C6: variants seen among roughly 807,000 people sequenced by gnomAD.
The protein encoded by C6 is complement component C6.
C6 carries 101 observed loss-of-function variants against 112.9 expected under a neutral mutation model. That is an observed-to-expected ratio of 0.89 (90% CI 0.76 to 1.06). The LOEUF (loss-of-function observed/expected upper bound fraction) is 1.06. C6 is among the 50% of genes least tolerant of loss of function. C6 has a pLI of 0.00. For synonymous variants in C6, 431 were observed against 384.1 expected (o/e 1.12, Z -1.43); for missense variants, 1,202 against 1,104.6 (o/e 1.09, Z -1.25).
chr5:41,195,528 T>G (rs1191671735), intron 5 of C6, among the ~76,000 whole-genome samples: 2 of 152,188 alleles, frequency 1.3e-5, no homozygotes, highest in Admixed American at 1.3e-4. Flanking sequence ...GAGAGATGTA[T>G]GAGAAATAAA....
intron 1 of C6, among the ~76,000 whole-genome samples, chr5:41,232,499 AT>A (rs1298228759): frequency 6.6e-6 from 1 of 152,048 alleles, no homozygotes; most frequent in Non-Finnish European, 1.5e-5. Context: ...TTTAGCTTTT[AT>A]GGTTGCTTTT....
At position 41,201,623 on chromosome 5, in the gene C6, G is replaced by T. The variant is rs1751037080; in HGVS notation, c.235C>A (p.Pro79Thr). ...ETRECNWQRCPINCLLGDFGP... is the reference protein window; with the variant it reads ...ETRECNWQRCTINCLLGDFGP... ...AAATCTCCCAGGAGGCAGTTGATGGGGCATCTTTGCCAGTTACATTCTCTA... is the reference window on the plus strand; with the variant it reads ...AAATCTCCCAGGAGGCAGTTGATGGTGCATCTTTGCCAGTTACATTCTCTA... The change falls in exon 3 of 18, where the codon CCC becomes ACC. Residue 79 changes from proline to threonine, a missense_variant. Pro to Thr is a conservative substitution (Grantham distance 38). Transcript: ENST00000337836. The T allele has an allele frequency of 6.2e-7, 1 of 1,613,380 alleles. No individual in the cohort carries two copies. Among genetic ancestry groups the T allele is most frequent in the African/African-American group, 1.3e-5 (1 of 74,786 alleles).
At chr5:41,221,855 T>C (rs1238707178) in intron 1 of C6, among the ~76,000 whole-genome samples, 1 of 152,140 alleles carries the variant, frequency 6.6e-6, no homozygotes, top group Non-Finnish European at 1.5e-5. Flanking sequence ...TTTTCTTATA[T>C]TGAGCAGAAG....
intron 8 of C6, chr5:41,172,772 A>G (rs991674000): frequency 4.5e-5 from 9 of 197,930 alleles, no homozygotes; most frequent in Non-Finnish European, 7.4e-5. Flanking sequence ...TCTGTTCTCT[A>G]CTCCAAGACC....
At chr5:41,239,085 C>CATTTA (rs1326431249) in intron 1 of C6, among the ~76,000 whole-genome samples, 2 of 148,218 alleles carry the variant, frequency 1.3e-5, no homozygotes, top group Non-Finnish European at 3.0e-5. Flanking sequence ...TCATCTGGCA[C>CATTTA]ATTTATAATT....
In C6 at chr5:41,142,738, G is replaced by T. The variant is rs545189174; in HGVS notation, c.*87C>A. On this transcript the variant is annotated 3_prime_UTR_variant, in exon 18 of 18. Coordinates refer to ENST00000337836, the MANE Select transcript of C6 (RefSeq NM_000065.5). ...TCAGTAACTTTGAGCATGCCAGTCT[G>T]CTGTTTGTGCAAGAATTCTCATTTG... 1.5e-5 allele frequency: 15 copies of T among 1,026,154 alleles called. No homozygotes were observed. In the East Asian group the frequency reaches 3.6e-4, roughly 25 times the overall value. The allele number at this position is 1,026,154 out of a possible 1,614,324, so 63.6% of individuals were successfully genotyped here. A position where few individuals can be genotyped will look rare whatever the true frequency, so the allele number is the denominator to read the frequency against.
At chr5:41,217,256 A>T (rs1490539951), upstream of C6, among the ~76,000 whole-genome samples, 6 of 152,116 alleles carry the variant, frequency 3.9e-5, no homozygotes, top group African/African-American at 1.4e-4. Flanking sequence ...TACCTTTCAT[A>T]TGGAACTCAC....
chr5:41,184,405 T>C (rs1749603257), intron 6 of C6, among the ~76,000 whole-genome samples: 1 of 152,188 alleles, frequency 6.6e-6, no homozygotes, highest in Admixed American at 6.5e-5. Flanking sequence ...CTTATTTTTC[T>C]GTGCCATTTA....
At chr5:41,225,784 C>G (rs1257228420) in intron 1 of C6, among the ~76,000 whole-genome samples, 2 of 152,068 alleles carry the variant, frequency 1.3e-5, no homozygotes, top group African/African-American at 4.8e-5. Context: ...ACAGAGCCCT[C>G]AGAAATAATG....
chr5:41,163,012 G>A (rs925860867), intron 9 of C6, among the ~76,000 whole-genome samples: 3 of 152,088 alleles, frequency 2.0e-5, no homozygotes, highest in African/African-American at 7.2e-5. Context: ...ATTGACACTG[G>A]TAAGGGTTAT....
At chr5:41,183,848 G>T in intron 6 of C6, among the ~76,000 whole-genome samples, 1 of 152,056 alleles carries the variant, frequency 6.6e-6, no homozygotes, top group East Asian at 1.9e-4. Context: ...TACAGCTGGA[G>T]ACCATTATCC....
At chr5:41,169,879 A>G (rs183192654) in intron 9 of C6, among the ~76,000 whole-genome samples, 1 of 152,340 alleles carries the variant, frequency 6.6e-6, no homozygotes, top group East Asian at 1.9e-4. Context: ...AAACCATATC[A>G]GAAAGCTATG....
At chr5:41,244,377 G>A (rs1411781221) in intron 1 of C6, among the ~76,000 whole-genome samples, 1 of 152,118 alleles carries the variant, frequency 6.6e-6, no homozygotes, top group African/African-American at 2.4e-5. Context: ...ATGGTTGGTA[G>A]GTGTATGATA....
chr5:41,212,761 A>G (rs1213164028), intron 1 of C6, among the ~76,000 whole-genome samples: 4 of 152,204 alleles, frequency 2.6e-5, no homozygotes, highest in Non-Finnish European at 5.9e-5. Flanking sequence ...TTTTCCAAAA[A>G]TCAGTGATCC....
At chr5:41,184,890 C>A (rs1383163662) in intron 6 of C6, among the ~76,000 whole-genome samples, 2 of 152,146 alleles carry the variant, frequency 1.3e-5, no homozygotes, top group African/African-American at 4.8e-5. Flanking sequence ...TCTAAGGTAT[C>A]ATATGAGTAT....
chr5:41,142,671 AG>A lies in C6; in HGVS notation c.*153del. On this transcript the variant is annotated 3_prime_UTR_variant, in exon 18 of 18. Coordinates refer to ENST00000337836, the MANE Select transcript of C6 (RefSeq NM_000065.5). Reference sequence around the variant, plus strand: ...TAAGACATGCCCAAACAGGAGAGTCAGGGGAGAATAATGATCTCAAACTAAC... The same window carrying A: ...TAAGACATGCCCAAACAGGAGAGTCAGGGAGAATAATGATCTCAAACTAAC... 1 of 682,520 alleles carries A rather than the reference AG, an allele frequency of 1.5e-6. No individual in the cohort carries two copies. The highest frequency in any genetic ancestry group is 2.7e-6 in the Non-Finnish European group (1 of 376,944). The allele number at this position is 682,520 out of a possible 1,614,324, so 42.3% of individuals were successfully genotyped here. A position where few individuals can be genotyped will look rare whatever the true frequency, so the allele number is the denominator to read the frequency against.
At chr5:41,195,128 C>T (rs1561154348) in intron 5 of C6, among the ~76,000 whole-genome samples, 1 of 152,172 alleles carries the variant, frequency 6.6e-6, no homozygotes. Context: ...TGCCATTAGG[C>T]TCTGCTGACC....
At chr5:41,243,400 T>C (rs1250754723) in intron 1 of C6, among the ~76,000 whole-genome samples, 2 of 152,224 alleles carry the variant, frequency 1.3e-5, no homozygotes, top group Non-Finnish European at 2.9e-5. Flanking sequence ...CAAATAATTG[T>C]TTACTTAGTG....
chr5:41,257,985 T>G (rs1387411812), intron 1 of C6, among the ~76,000 whole-genome samples: 1 of 152,170 alleles, frequency 6.6e-6, no homozygotes, highest in Non-Finnish European at 1.5e-5. Flanking sequence ...GAAAAAAATC[T>G]TTTTACATAA....
Sources: allele counts gnomAD v4.1 joint callset (sites outside exome capture counted in the v4.1 genomes callset), GRCh38; gene constraint gnomAD v4.1.1; transcripts MANE v1.5; gene names NCBI Gene and HGNC (gene_info 2026-07-23, HGNC 2026-07-21).